CDC45: variants seen among roughly 807,000 people sequenced by gnomAD.
CDC45 encodes cell division control protein 45 homolog.
A neutral mutation model predicts 77.8 loss-of-function variants in CDC45; 54 were observed. The observed-to-expected ratio is 0.69, with a 90% CI of 0.56 to 0.87. CDC45 has a LOEUF of 0.87. CDC45 is among the 40% of genes least tolerant of loss of function. The pLI is 0.00. For synonymous variants in CDC45, 260 were observed against 272.1 expected (o/e 0.96, Z 0.44); for missense variants, 649 against 721.6 (o/e 0.90, Z 1.15).
intron 3 of CDC45, 104 bp from the exon 4 acceptor site, chr22:19,482,586 G>T: frequency 7.7e-7 from 1 of 1,294,252 alleles, no homozygotes. Flanking sequence ...CTCGCCACAT[G>T]TCAGGGACTG....
Position 19,505,453 on chromosome 22 carries a change from G to A in CDC45, c.796G>A (p.Asp266Asn), listed in dbSNP as rs770066461. 1.2e-6 allele frequency: 2 copies of A among 1,613,850 alleles called. No individual in the cohort carries two copies. The highest frequency in any genetic ancestry group is 1.7e-6 in the Non-Finnish European group (2 of 1,179,700). The change falls in exon 10 of 19, where the codon GAC (aspartate) becomes AAC (asparagine). Residue 266 changes from aspartate (D) to asparagine (N), a missense_variant. Transcript: ENST00000263201. ...GGATGAGGAGAACACACTCTCCGTGGACTGCACACGGATCTCCTTTGAGTA... is the reference window on the plus strand; with the variant it reads ...GGATGAGGAGAACACACTCTCCGTGAACTGCACACGGATCTCCTTTGAGTA... ...NEDEENTLSV[D>N]CTRISFEYDL...
rs368640933 is a variant in CDC45 at position 19,519,949 on chromosome 22, T to G, written c.*2-532T>G. On this transcript the variant is annotated intron_variant, in intron 18 of 18. Transcript: ENST00000263201. ...AGCCACCTAATCAGGCTTAGCCTGTTTCCTCATCCAAAAATGGGGCCCACT... is the reference window on the plus strand; with the variant it reads ...AGCCACCTAATCAGGCTTAGCCTGTGTCCTCATCCAAAAATGGGGCCCACT... 1.2e-4 allele frequency among the ~76,000 whole-genome samples: 18 copies of G among 152,308 alleles called. No individual in the cohort carries two copies. In the South Asian group the frequency reaches 3.7e-3, roughly 32 times the overall value.
intron 5 of CDC45, among the ~76,000 whole-genome samples, chr22:19,487,825 T>G (rs2090094721): frequency 7.2e-6 from 1 of 139,694 alleles, no homozygotes; most frequent in Non-Finnish European, 1.5e-5. Flanking sequence ...GGCAGGAGGA[T>G]GGTGTGAATC....
chr22:19,488,032 A>G (rs1476303224), intron 5 of CDC45, among the ~76,000 whole-genome samples: 2 of 152,122 alleles, frequency 1.3e-5, no homozygotes, highest in Non-Finnish European at 2.9e-5. Context: ...CAAAGATGAG[A>G]GTCCGCTATA....
At position 19,515,020 on chromosome 22, in the gene CDC45, A is replaced by G. The variant is rs753340564; in HGVS notation, c.1412A>G (p.Lys471Arg). ...CCGGCATCCCTAAGCCTGCTCAGCA[A>G]ACACCTGCTCAAGTCCTTTGTGTGT... Reference protein sequence around the residue: ...SRPASLSLLSKHLLKSFVCST... With the variant: ...SRPASLSLLSRHLLKSFVCST... The change falls in exon 15 of 19, where the codon AAA (lysine) becomes AGA (arginine). Residue 471 changes from lysine (K) to arginine (R), a missense_variant. Coordinates refer to ENST00000263201, the MANE Select transcript of CDC45 (RefSeq NM_003504.5). 12 of 1,613,038 alleles carry G rather than the reference A, an allele frequency of 7.4e-6. No individual in the cohort carries two copies. In the Admixed American group the frequency reaches 2.0e-4, roughly 27 times the overall value.
Position 19,496,047 on chromosome 22 carries a change from G to C in CDC45, c.591+18G>C. On this transcript the variant is annotated intron_variant, in intron 7 of 18. Coordinates refer to ENST00000263201, the MANE Select transcript of CDC45 (RefSeq NM_003504.5). ...GGACATCGGTAAGTATGAATAGGTG[G>C]AACTCACTATAAAGTTCTGACTCCA... The C allele has an allele frequency of 6.4e-7, 1 of 1,562,896 alleles. No homozygotes were observed. Among genetic ancestry groups the C allele is most frequent in the Admixed American group, 1.7e-5 (1 of 59,622 alleles).
chr22:19,482,750 C>T lies in CDC45; in HGVS notation c.265C>T (p.Pro89Ser), dbSNP rs200116606. 8.7e-5 allele frequency: 141 copies of T among 1,612,174 alleles called. No homozygotes were observed. The highest frequency in any genetic ancestry group is 2.0e-5 in the Non-Finnish European group (24 of 1,178,320). ...TGTAGACCTATTGGATATTCTTCAA[C>T]CTGATGAAGACACTATATTCTTTGT... is the stretch of plus-strand genomic sequence containing the variant. ...ANVDLLDILQ[P>S]DEDTIFFVCD... Residue 89 changes from proline to serine, a missense_variant, in exon 4 of 19, where the codon CCT becomes TCT. Transcript: ENST00000263201.
intron 5 of CDC45, among the ~76,000 whole-genome samples, chr22:19,485,755 A>G (rs980482096): frequency 6.6e-6 from 1 of 152,198 alleles, no homozygotes; most frequent in African/African-American, 2.4e-5. Flanking sequence ...CAGTGGTTGA[A>G]AGGATAGTAC....
chr22:19,494,220 A>G (rs2090201507), intron 5 of CDC45, 107 bp from the exon 6 acceptor site: 9 of 893,308 alleles, frequency 1.0e-5, no homozygotes, highest in Non-Finnish European at 1.5e-5. Context: ...GTTCTCTCTC[A>G]GGGGTCTGGG....
chr22:19,499,698 G>A (rs1403308574), intron 9 of CDC45, among the ~76,000 whole-genome samples: 1 of 152,230 alleles, frequency 6.6e-6, no homozygotes, highest in Non-Finnish European at 1.5e-5. Context: ...TCAGAATGCA[G>A]ATGCTGCAGG....
At chr22:19,506,933 C>CAA (rs397816446) in intron 10 of CDC45, among the ~76,000 whole-genome samples, 22 of 121,568 alleles carry the variant, frequency 1.8e-4, no homozygotes, top group Non-Finnish European at 2.8e-4. Flanking sequence ...GACTCCGTCT[C>CAA]AAAAAAAAAA....
At chr22:19,486,943 TGG>T (rs1455234079) in intron 5 of CDC45, among the ~76,000 whole-genome samples, 1 of 151,646 alleles carries the variant, frequency 6.6e-6, no homozygotes, top group Admixed American at 6.6e-5. Context: ...CCCAAAGTGC[TGG>T]GATTACAGGC....
chr22:19,479,864 G>C, upstream of CDC45: 3 of 1,139,402 alleles, frequency 2.6e-6, no homozygotes, highest in Non-Finnish European at 4.0e-6. Context: ...CTATTGGTTG[G>C]TGATCCCTGG....
At chr22:19,506,672 C>A (rs984965168) in intron 10 of CDC45, among the ~76,000 whole-genome samples, 1 of 152,030 alleles carries the variant, frequency 6.6e-6, no homozygotes, top group Non-Finnish European at 1.5e-5. Context: ...CTGTGGCTCA[C>A]GCCTGTAATC....
chr22:19,502,214 C>CAAAGTCCTGA (rs1391031483), intron 9 of CDC45, among the ~76,000 whole-genome samples: 1 of 152,166 alleles, frequency 6.6e-6, no homozygotes, highest in Non-Finnish European at 1.5e-5. Flanking sequence ...ACCTTTTATG[C>CAAAGTCCTGA]AAAGTCCTGA....
intron 3 of CDC45, among the ~76,000 whole-genome samples, chr22:19,482,238 A>G (rs1385909492): frequency 6.6e-6 from 1 of 152,226 alleles, no homozygotes; most frequent in Non-Finnish European, 1.5e-5. Flanking sequence ...CTTGGTATTT[A>G]TAAGGAAAGA....
chr22:19,516,812 A>G lies in CDC45; in HGVS notation c.1560-5A>G. The G allele has an allele frequency of 6.2e-7, 1 of 1,613,962 alleles. No individual in the cohort carries two copies. Among genetic ancestry groups the G allele is most frequent in the African/African-American group, 1.3e-5 (1 of 75,010 alleles). ...TGGCCCCCGACATGTCTTGTGTGTC[A>G]GCAGCTTTTTTGGGAGGGCGTTTGA... On this transcript the variant is annotated splice_polypyrimidine_tract_variant and splice_region_variant and intron_variant, in intron 16 of 18. Coordinates refer to ENST00000263201, the MANE Select transcript of CDC45 (RefSeq NM_003504.5).
chr22:19,479,637 G>A, upstream of CDC45: 3 of 656,330 alleles, frequency 4.6e-6, no homozygotes, highest in South Asian at 1.5e-5. Context: ...GTGGGAGGCA[G>A]TAGGCTTCTC....
chr22:19,481,595 G>A (rs2089984140), intron 3 of CDC45, among the ~76,000 whole-genome samples: 1 of 151,836 alleles, frequency 6.6e-6, no homozygotes, highest in African/African-American at 2.4e-5. Flanking sequence ...TAGTCAGGAT[G>A]GTCTTGATCT....
Sources: gnomAD v4.1 joint callset for allele counts (sites outside exome capture counted in the v4.1 genomes callset) on GRCh38, gnomAD v4.1.1 for gene constraint, MANE v1.5 for transcripts, NCBI Gene and HGNC (gene_info 2026-07-23, HGNC 2026-07-21) for gene names.